The following GTF2E2 variants were observed in gnomAD, a reference collection of about 807,000 sequenced individuals.
The protein encoded by GTF2E2 is transcription initiation factor IIE subunit beta.
GTF2E2 carries 21 observed loss-of-function variants against 40.5 expected under a neutral mutation model. That is an observed-to-expected ratio of 0.52 (90% CI 0.37 to 0.75). GTF2E2 has a LOEUF of 0.75. Ranked by LOEUF, GTF2E2 falls within the 30% of genes least tolerant of loss-of-function variation. The probability of loss-of-function intolerance (pLI) is 0.00; values close to 1 mark genes in which losing one functional copy is unlikely to be tolerated. For missense variants in GTF2E2, 298 were observed against 338.4 expected, an observed-to-expected ratio of 0.88 and a Z score of 0.94; for synonymous variants, 117 against 121.6, an observed-to-expected ratio of 0.96 and a Z score of 0.25.
rs557741884 is a variant in GTF2E2, at chr8:30,617,158, C to A, written c.259-2443G>T. Among the ~76,000 whole-genome samples the A allele has an allele frequency of 5.9e-5, 9 of 152,242 alleles. No individual in the cohort carries two copies. In the South Asian group the frequency reaches 1.9e-3, roughly 32 times the overall value. On this transcript the variant is annotated intron_variant, in intron 3 of 7. Transcript: ENST00000355904. ...AAGCTCCAAGTTCCCTCACATTGAG[C>A]AGGTTACTGAACCTCATTGGGCTTC...
chr8:30,608,175 A>G (rs1169015159), intron 5 of GTF2E2, among the ~76,000 whole-genome samples: 1 of 152,260 alleles, frequency 6.6e-6, no homozygotes, highest in African/African-American at 2.4e-5. Flanking sequence ...ACTCTAGACT[A>G]TCTGGCAAAA....
At chr8:30,587,393 A>G (rs1394578579) in intron 6 of GTF2E2, among the ~76,000 whole-genome samples, 1 of 152,118 alleles carries the variant, frequency 6.6e-6, no homozygotes, top group Non-Finnish European at 1.5e-5. Context: ...AATCTGGGCA[A>G]CAAAATGAGA....
At chr8:30,601,615 C>T (rs910478753) in intron 6 of GTF2E2, among the ~76,000 whole-genome samples, 1 of 152,186 alleles carries the variant, frequency 6.6e-6, no homozygotes, top group Non-Finnish European at 1.5e-5. Context: ...CCCCCACCAT[C>T]CTTCTTAAGA....
At chr8:30,639,749 A>C (rs927075526) in intron 2 of GTF2E2, among the ~76,000 whole-genome samples, 3 of 151,992 alleles carry the variant, frequency 2.0e-5, no homozygotes, top group Non-Finnish European at 4.4e-5. Flanking sequence ...AAGTTTATTT[A>C]ATCTTTAAAG....
intron 3 of GTF2E2, among the ~76,000 whole-genome samples, chr8:30,615,035 T>C (rs1198536087): frequency 6.6e-6 from 1 of 151,808 alleles, no homozygotes; most frequent in African/African-American, 2.4e-5. Context: ...CCCAGCACTC[T>C]GGGGGACTAA....
intron 7 of GTF2E2, among the ~76,000 whole-genome samples, chr8:30,579,659 A>C (rs1828451777): frequency 6.6e-6 from 1 of 152,178 alleles, no homozygotes. Flanking sequence ...ATGAAGCATG[A>C]CGGTGGATAA....
At chr8:30,655,879 C>T (rs546264535) in intron 1 of GTF2E2, among the ~76,000 whole-genome samples, 49 of 152,028 alleles carry the variant, frequency 3.2e-4, no homozygotes, top group African/African-American at 1.2e-3. Context: ...GGTGCAATCT[C>T]GGCTCAATGC....
At chr8:30,617,867 G>A (rs565793893) in intron 3 of GTF2E2, among the ~76,000 whole-genome samples, 4 of 152,206 alleles carry the variant, frequency 2.6e-5, no homozygotes, top group South Asian at 4.1e-4. Context: ...ACTAGAATAC[G>A]GGGAAACGCC....
At chr8:30,604,249 T>C (rs753891035) in intron 6 of GTF2E2, among the ~76,000 whole-genome samples, 6 of 152,046 alleles carry the variant, frequency 3.9e-5, no homozygotes, top group Non-Finnish European at 5.9e-5. Context: ...TATTAAAAAT[T>C]TAGAAATACA....
intron 6 of GTF2E2, among the ~76,000 whole-genome samples, chr8:30,594,554 T>TAAA (rs1191425204): frequency 9.8e-5 from 13 of 132,902 alleles, no homozygotes; most frequent in Non-Finnish European, 1.3e-4. Context: ...AATGGATCTT[T>TAAA]AAAAAAAAAA....
intron 3 of GTF2E2, among the ~76,000 whole-genome samples, chr8:30,617,950 GTGA>G (rs1563490617): frequency 6.6e-6 from 1 of 152,112 alleles, no homozygotes; most frequent in South Asian, 2.1e-4. Context: ...TGGGTACCTC[GTGA>G]TGATTCTTTA....
At chr8:30,613,498 GAAGA>G (rs953596820) in intron 4 of GTF2E2, among the ~76,000 whole-genome samples, 21 of 152,158 alleles carry the variant, frequency 1.4e-4, no homozygotes, top group Non-Finnish European at 1.5e-5. Flanking sequence ...AGGAGAAAGA[GAAGA>G]AACACAGAAA....
At chr8:30,615,731 T>G (rs1800902043) in intron 3 of GTF2E2, among the ~76,000 whole-genome samples, 1 of 152,204 alleles carries the variant, frequency 6.6e-6, no homozygotes, top group Non-Finnish European at 1.5e-5. Flanking sequence ...GTATGCTAAA[T>G]GGTACAGCTA....
intron 6 of GTF2E2, chr8:30,584,409 A>G (rs1828613771): frequency 6.6e-6 from 1 of 152,198 alleles, no homozygotes; most frequent in Non-Finnish European, 1.5e-5. Context: ...AAACAAAATG[A>G]TCAAGGGACA....
chr8:30,636,857 TAAAA>T (rs35494159), intron 2 of GTF2E2: 76 of 295,794 alleles, frequency 2.6e-4, no homozygotes, highest in Middle Eastern at 7.5e-4. Context: ...GTCTCAAAAT[TAAAA>T]AAAAAAAAAA....
intron 3 of GTF2E2, among the ~76,000 whole-genome samples, chr8:30,618,221 G>A (rs1800980847): frequency 6.7e-6 from 1 of 149,600 alleles, no homozygotes; most frequent in Non-Finnish European, 1.5e-5. Flanking sequence ...CGCTTCAACT[G>A]AGGAGGCAGA....
At chr8:30,635,182 G>A (rs1037186111) in intron 2 of GTF2E2, 59 bp from the exon 3 acceptor site, 2 of 924,778 alleles carry the variant, frequency 2.2e-6, no homozygotes, top group Non-Finnish European at 3.4e-6. Context: ...CTCTTGAGCA[G>A]CTAAAATAAT....
intron 3 of GTF2E2, 83 bp from the exon 4 acceptor site, chr8:30,614,798 C>A: frequency 1.3e-6 from 1 of 742,070 alleles, no homozygotes; most frequent in Admixed American, 2.4e-5. Flanking sequence ...AACAAACCTT[C>A]AGGAATGAAA....
At chr8:30,620,930 G>GA (rs60829571) in intron 3 of GTF2E2, among the ~76,000 whole-genome samples, 2,283 of 139,886 alleles carry the variant, frequency 0.016, 34 homozygotes, top group Middle Eastern at 0.058. Context: ...TTACATCTTG[G>GA]AAAAAAAAAA....
Sources: gnomAD v4.1 joint callset for allele counts (sites outside exome capture counted in the v4.1 genomes callset) on GRCh38, gnomAD v4.1.1 for gene constraint, MANE v1.5 for transcripts, NCBI Gene and HGNC (gene_info 2026-07-23, HGNC 2026-07-21) for gene names.